Variants in TMEM135 observed in about 807,000 individuals in gnomAD.
TMEM135 encodes the protein peroxisomal membrane protein 52.
TMEM135 carries 30 observed loss-of-function variants against 60.3 expected under a neutral mutation model. The ratio of observed to expected loss-of-function variants is 0.50; its 90% CI spans 0.37 to 0.68. The LOEUF is 0.68. Ranked by LOEUF, TMEM135 falls within the 30% of genes least tolerant of loss-of-function variation. TMEM135 has a pLI of 0.00. For missense variants in TMEM135, 468 were observed against 548.8 expected (o/e 0.85, Z 1.47); for synonymous variants, 190 against 186.7 (o/e 1.02, Z -0.14).
At chr11:87,150,116 G>T (rs1435696840) in intron 4 of TMEM135, among the ~76,000 whole-genome samples, 2 of 151,304 alleles carry the variant, frequency 1.3e-5, no homozygotes, top group Non-Finnish European at 2.9e-5. Flanking sequence ...ACTTGGGAGG[G>T]TGAGACAGGA....
Position 87,289,746 on chromosome 11 carries a change from G to A in TMEM135, c.510-6036G>A, listed in dbSNP as rs550638958. On this transcript the variant is annotated intron_variant, in intron 6 of 14. Transcript: ENST00000305494. ...GCTGGGATTACAGGTGTGAGCCACCGCGTGCAGCCATCTCTTCATATCTTT... is the reference window on the plus strand; with the variant it reads ...GCTGGGATTACAGGTGTGAGCCACCACGTGCAGCCATCTCTTCATATCTTT... Among the ~76,000 whole-genome samples, 17 of 152,140 alleles carry A rather than the reference G, an allele frequency of 1.1e-4. No homozygotes were observed. The South Asian group carries it at 2.3e-3, about 20-fold the overall frequency.
intron 5 of TMEM135, among the ~76,000 whole-genome samples, chr11:87,161,484 G>T (rs1938876854): frequency 6.6e-6 from 1 of 152,110 alleles, no homozygotes. Context: ...GACTAAAGCA[G>T]AAATTGGTGT....
intron 1 of TMEM135, among the ~76,000 whole-genome samples, chr11:87,047,488 G>A (rs1408777118): frequency 1.3e-5 from 2 of 151,162 alleles, no homozygotes; most frequent in Non-Finnish European, 2.9e-5. Flanking sequence ...GCAGGGCGAG[G>A]CACTGCCTCA....
At chr11:87,084,764 C>G (rs1319859243) in intron 3 of TMEM135, among the ~76,000 whole-genome samples, 1 of 152,192 alleles carries the variant, frequency 6.6e-6, no homozygotes, top group East Asian at 1.9e-4. Context: ...GACTGCTTAT[C>G]TGCTGAGCTT....
chr11:87,161,245 T>G (rs1385534676), intron 5 of TMEM135, among the ~76,000 whole-genome samples: 1 of 152,150 alleles, frequency 6.6e-6, no homozygotes, highest in African/African-American at 2.4e-5. Flanking sequence ...GGCTAACTTT[T>G]AAAATAATCA....
At chr11:87,067,564 G>C in intron 1 of TMEM135, 130 bp from the exon 2 acceptor site, 1 of 1,191,568 alleles carries the variant, frequency 8.4e-7, no homozygotes, top group Non-Finnish European at 1.2e-6. Flanking sequence ...TTTTATAGAA[G>C]ATCCAGTGAA....
At chr11:87,142,220 T>C (rs1488002095) in intron 4 of TMEM135, among the ~76,000 whole-genome samples, 1 of 152,186 alleles carries the variant, frequency 6.6e-6, no homozygotes, top group Admixed American at 6.5e-5. Context: ...AAATGCCTGC[T>C]GTCTTGGTAG....
rs12273390 is a variant in TMEM135, at chr11:87,258,193, C to A, written c.509+21509C>A. On this transcript the variant is annotated intron_variant, in intron 6 of 14. Coordinates refer to ENST00000305494, the MANE Select transcript of TMEM135 (RefSeq NM_022918.4). ...ATTCTGTGTTTATTTTGGGGAAAAG[C>A]CTTTTTTTTTTTCAGTTGGAATCAC... Among the ~76,000 whole-genome samples the A allele has an allele frequency of 3.2e-3, 443 of 138,682 alleles. 4 individuals are homozygous for A. The highest frequency in any genetic ancestry group is 0.012 in the African/African-American group (422 of 35,268). The allele number at this position is 138,682 out of a possible 152,430, so 91.0% of individuals were successfully genotyped here.
At chr11:87,093,661 G>C (rs746611701) in intron 4 of TMEM135, among the ~76,000 whole-genome samples, 10 of 152,054 alleles carry the variant, frequency 6.6e-5, no homozygotes, top group Non-Finnish European at 1.2e-4. Flanking sequence ...CTCCTGAGTA[G>C]CTGGGATTAC....
intron 3 of TMEM135, among the ~76,000 whole-genome samples, chr11:87,084,919 A>T (rs1285175515): frequency 1.3e-5 from 2 of 152,152 alleles, no homozygotes; most frequent in African/African-American, 4.8e-5. Flanking sequence ...ATCTGTTCTA[A>T]TGGGCACCTC....
intron 4 of TMEM135, among the ~76,000 whole-genome samples, chr11:87,135,094 A>G (rs1172085532): frequency 6.6e-6 from 1 of 152,072 alleles, no homozygotes; most frequent in African/African-American, 2.4e-5. Flanking sequence ...TGTTTTTCTT[A>G]TTATGGGGCT....
In TMEM135 at chr11:87,275,481, TA is replaced by T. The variant is rs1026872053; in HGVS notation, c.510-20291del. ...ATTTTGATACCCTGTTGCCAAAAAT[TA>T]AAAAAAAAATAACCAAATATATCAC... On this transcript the variant is annotated intron_variant, in intron 6 of 14. Coordinates refer to ENST00000305494, the MANE Select transcript of TMEM135 (RefSeq NM_022918.4). Among the ~76,000 whole-genome samples the T allele has an allele frequency of 3.8e-3, 574 of 149,100 alleles. 4 individuals carry two copies. Among genetic ancestry groups the T allele is most frequent in the African/African-American group, 0.013 (516 of 40,806 alleles).
chr11:87,118,765 A>G (rs552482342), intron 4 of TMEM135, among the ~76,000 whole-genome samples: 5 of 152,258 alleles, frequency 3.3e-5, no homozygotes, highest in African/African-American at 1.2e-4. Flanking sequence ...CTATGTTAGC[A>G]CTTGCTGCTT....
At chr11:87,221,664 G>A (rs1454234753) in intron 5 of TMEM135, among the ~76,000 whole-genome samples, 1 of 152,098 alleles carries the variant, frequency 6.6e-6, no homozygotes, top group South Asian at 2.1e-4. Flanking sequence ...TAGAGGTAAC[G>A]TCTGGTCTAT....
rs750221483 is a variant in TMEM135, at chr11:87,306,012, A to T, written c.768+7A>T. The T allele has an allele frequency of 6.4e-7, 1 of 1,557,200 alleles. No individual in the cohort carries two copies. ...CATCTCTTATTGCATTAAAGTAAGTATATGAAAGTATGTACTTTATTAACA... is the reference window on the plus strand; with the variant it reads ...CATCTCTTATTGCATTAAAGTAAGTTTATGAAAGTATGTACTTTATTAACA... On this transcript the variant is annotated splice_region_variant and intron_variant, in intron 9 of 14. Transcript: ENST00000305494.
chr11:87,088,630 CTT>C (rs571833026), intron 3 of TMEM135, among the ~76,000 whole-genome samples: 45 of 152,316 alleles, frequency 3.0e-4, no homozygotes, highest in Middle Eastern at 3.4e-3. Context: ...TCAGTTAACT[CTT>C]GTCCTGCTTG....
chr11:87,073,411 G>A (rs1447649711), intron 3 of TMEM135, among the ~76,000 whole-genome samples: 1 of 152,122 alleles, frequency 6.6e-6, no homozygotes, highest in Non-Finnish European at 1.5e-5. Context: ...TTATATCAAT[G>A]ACTACAATAC....
intron 4 of TMEM135, chr11:87,096,433 T>C (rs530589577): frequency 1.4e-5 from 2 of 142,028 alleles, no homozygotes; most frequent in Admixed American, 1.5e-4. Flanking sequence ...TGGGTGCGGC[T>C]TTCCTGCCCT....
At chr11:87,236,586 A>T in intron 5 of TMEM135, 52 bp from the exon 6 acceptor site, 1 of 1,539,988 alleles carries the variant, frequency 6.5e-7, no homozygotes, top group South Asian at 1.1e-5. Flanking sequence ...GAGTCACTCA[A>T]ATGGTGATGT....
Sources: allele counts gnomAD v4.1 joint callset (sites outside exome capture counted in the v4.1 genomes callset), GRCh38; gene constraint gnomAD v4.1.1; transcripts MANE v1.5; gene names NCBI Gene and HGNC (gene_info 2026-07-23, HGNC 2026-07-21).